Variants in NAMPT observed in about 807,000 individuals in gnomAD.
NAMPT encodes NAmPRTase.
NAMPT carries 7 observed loss-of-function variants against 58.7 expected under a neutral mutation model. The ratio of observed to expected loss-of-function variants is 0.12; its 90% confidence interval spans 0.07 to 0.22. NAMPT has a LOEUF of 0.22. Ranked by LOEUF, NAMPT falls within the 10% of genes least tolerant of loss-of-function variation. NAMPT has a pLI of 1.00. For synonymous variants in NAMPT, 145 were observed against 198.1 expected (o/e 0.73, Z 2.25); for missense variants, 271 against 567.9 (o/e 0.48, Z 5.31).
rs905583327 is a variant in NAMPT at position 106,249,858 on chromosome 7, C to G, written c.*1225G>C. Reference sequence around the variant, plus strand: ...CTCTAGTCAGATGTGATGTATGATTCAGAATCTAGTAGCTAATCACTCTAG... The same window carrying G: ...CTCTAGTCAGATGTGATGTATGATTGAGAATCTAGTAGCTAATCACTCTAG... On this transcript the variant is annotated 3_prime_UTR_variant, in exon 11 of 11. Transcript: ENST00000222553. The G allele has an allele frequency of 2.0e-5, 3 of 151,976 alleles. No individual in the cohort carries two copies. The highest frequency in any genetic ancestry group is 4.1e-4 in the South Asian group (2 of 4,828). 9.4% of individuals were successfully genotyped at this position (151,976 alleles called of 1,614,324 possible). A position where few individuals can be genotyped will look rare whatever the true frequency, so the allele number is the denominator to read the frequency against.
intron 8 of NAMPT, among the ~76,000 whole-genome samples, chr7:106,255,386 T>C (rs1417480876): frequency 6.6e-6 from 1 of 152,256 alleles, no homozygotes; most frequent in Non-Finnish European, 1.5e-5. Context: ...AGGCTGACTC[T>C]GTTTTAAACA....
At chr7:106,260,591 C>T (rs1792285449) in intron 8 of NAMPT, among the ~76,000 whole-genome samples, 1 of 152,222 alleles carries the variant, frequency 6.6e-6, no homozygotes, top group African/African-American at 2.4e-5. Flanking sequence ...ACTTGGCCTA[C>T]TGTTTGCCTT....
chr7:106,277,507 G>T (rs959326127), intron 1 of NAMPT, among the ~76,000 whole-genome samples: 7 of 152,140 alleles, frequency 4.6e-5, no homozygotes, highest in African/African-American at 1.7e-4. Context: ...TGCCTAATGG[G>T]CACACACAAC....
chr7:106,268,519 A>T lies in NAMPT; in HGVS notation c.688T>A (p.Tyr230Asn). 1 of 1,613,760 alleles carries T rather than the reference A, an allele frequency of 6.2e-7. No individual in the cohort carries two copies. The highest frequency in any genetic ancestry group is 8.5e-7 in the Non-Finnish European group (1 of 1,179,720). The change falls in exon 6 of 11, where the codon TAT becomes AAT. Residue 230 changes from tyrosine to asparagine, a missense_variant. Physicochemically the swap from Tyr to Asn is moderately radical, Grantham distance 143. Coordinates refer to ENST00000222553, the MANE Select transcript of NAMPT (RefSeq NM_005746.3). Reference sequence around the variant, plus strand: ...GGAACAGGATCTTTCGTTCCATAATATTTTTTAATTAGAGCAAGTCCTGCT... The same window carrying T: ...GGAACAGGATCTTTCGTTCCATAATTTTTTTTAATTAGAGCAAGTCCTGCT... ...TVAGLALIKK[Y>N]YGTKDPVPGY... is the part of the protein sequence containing the mutation.
chr7:106,284,616 C>G (rs1792831463), intron 1 of NAMPT: 1 of 379,192 alleles, frequency 2.6e-6, no homozygotes. Flanking sequence ...ACCGCCCAGC[C>G]CTCCATCCTC....
chr7:106,256,436 AT>A (rs1198570850), intron 8 of NAMPT, among the ~76,000 whole-genome samples: 3 of 152,212 alleles, frequency 2.0e-5, no homozygotes, highest in Admixed American at 2.0e-4. Flanking sequence ...CAGATTTTTC[AT>A]TTTATCAAAA....
At chr7:106,278,025 A>G (rs556088033) in intron 1 of NAMPT, among the ~76,000 whole-genome samples, 1 of 152,364 alleles carries the variant, frequency 6.6e-6, no homozygotes, top group Admixed American at 6.5e-5. Flanking sequence ...AAGAGTAGGA[A>G]TAACAGTGCC....
chr7:106,261,680 G>A lies in NAMPT; in HGVS notation c.997C>T (p.Pro333Ser), dbSNP rs770111122. 4 of 1,604,110 alleles carry A rather than the reference G, an allele frequency of 2.5e-6. No individual in the cohort carries two copies. In the African/African-American group the frequency reaches 4.0e-5, roughly 16 times the overall value. ...KVLEILGKKF[P>S]VTENSKGYKL... Reference sequence around the variant, plus strand: ...TAACCCTTTGAGTTCTCAGTAACAGGAAACTTCTTACCTAAAATCTCCAAA... The same window carrying A: ...TAACCCTTTGAGTTCTCAGTAACAGAAAACTTCTTACCTAAAATCTCCAAA... Residue 333 changes from proline (P) to serine (S), a missense_variant, in exon 8 of 11, where the codon CCT becomes TCT. By Grantham distance (74) the Pro-to-Ser change is moderately conservative. Coordinates refer to ENST00000222553, the MANE Select transcript of NAMPT (RefSeq NM_005746.3).
At chr7:106,284,992 G>C, upstream of NAMPT, 1 of 1,472,708 alleles carries the variant, frequency 6.8e-7, no homozygotes, top group South Asian at 1.3e-5. Context: ...CTGCTCGGTC[G>C]GCGGAGGAGG....
Position 106,272,650 on chromosome 7 carries a change from A to G in NAMPT, c.327T>C (p.Asp109=), listed in dbSNP as rs1792558726. ...CTTTTATTTCTATTGGAAGATGCCC[A>G]TCATACTTCTGGCAGGATAAAATGA... The part of the protein sequence containing the change: ...KGWNYILEKY[D]GHLPIEIKAV... Residue 109 remains aspartate, a synonymous_variant, in exon 4 of 11, where the codon GAT becomes GAC. Transcript: ENST00000222553. 2 of 1,613,030 alleles carry G rather than the reference A, an allele frequency of 1.2e-6. No individual in the cohort carries two copies. Among genetic ancestry groups the G allele is most frequent in the African/African-American group, 2.7e-5 (2 of 74,896 alleles).
chr7:106,258,564 A>G (rs149213013), intron 8 of NAMPT, among the ~76,000 whole-genome samples: 14 of 152,334 alleles, frequency 9.2e-5, no homozygotes, highest in African/African-American at 3.4e-4. Context: ...ATTTTAAGAC[A>G]ATACAGGCAT....
chr7:106,248,769 G>A lies in NAMPT; in HGVS notation c.*2314C>T, dbSNP rs190119949. ...GTCTGGAAGATTTAGACTGATTTAA[G>A]GGTGACACACAGCAGAGTTCTAGTG... On this transcript the variant is annotated 3_prime_UTR_variant, in exon 11 of 11. Transcript: ENST00000222553. The A allele has an allele frequency of 6.6e-6, 1 of 152,156 alleles. No individual in the cohort carries two copies. Among genetic ancestry groups the A allele is most frequent in the African/African-American group, 2.4e-5 (1 of 41,526 alleles). The allele number at this position is 152,156 out of a possible 1,614,324, so 9.4% of individuals were successfully genotyped here.
intron 6 of NAMPT, among the ~76,000 whole-genome samples, chr7:106,265,797 T>C (rs937609718): frequency 2.0e-5 from 3 of 152,180 alleles, no homozygotes; most frequent in Admixed American, 2.0e-4. Context: ...CAATGAATTC[T>C]ACCAATGCCA....
chr7:106,259,244 A>G (rs1393189423), intron 8 of NAMPT, among the ~76,000 whole-genome samples: 2 of 152,152 alleles, frequency 1.3e-5, no homozygotes, highest in Non-Finnish European at 2.9e-5. Flanking sequence ...TATTTCTACC[A>G]CATTTGTAGT....
intron 2 of NAMPT, chr7:106,276,229 G>A (rs911340294): frequency 1.3e-5 from 2 of 152,106 alleles, no homozygotes; most frequent in African/African-American, 4.8e-5. Context: ...TAATTCAAAA[G>A]GTTAGAGATA....
At chr7:106,276,595 C>T (rs974352390) in intron 2 of NAMPT, 3 of 161,796 alleles carry the variant, frequency 1.9e-5, no homozygotes, top group African/African-American at 7.2e-5. Flanking sequence ...GTAATCACAG[C>T]ACTTTGGTGG....
upstream of NAMPT, chr7:106,285,530 C>CA: frequency 2.0e-6 from 2 of 986,242 alleles, no homozygotes; most frequent in Non-Finnish European, 2.4e-6. Context: ...CCACCACGCG[C>CA]AGTTACTCAC....
Position 106,254,344 on chromosome 7 carries a change from G to C in NAMPT, c.1230+20C>G. 6.2e-7 allele frequency: 1 copy of C among 1,612,562 alleles called. No homozygotes were observed. Among genetic ancestry groups the C allele is most frequent in the African/African-American group, 1.3e-5 (1 of 74,978 alleles). On this transcript the variant is annotated intron_variant, in intron 9 of 10. Coordinates refer to ENST00000222553, the MANE Select transcript of NAMPT (RefSeq NM_005746.3). Reference sequence around the variant, plus strand: ...ACATAAGGAAGGTAGTAACACAGAAGTAATTAAAAGGTGACATACCCCAAG... The same window carrying C: ...ACATAAGGAAGGTAGTAACACAGAACTAATTAAAAGGTGACATACCCCAAG...
chr7:106,272,626 T>G lies in NAMPT; in HGVS notation c.351A>C (p.Lys117Asn). The change falls in exon 4 of 11, where the codon AAA becomes AAC. Residue 117 changes from lysine (K) to asparagine (N), a missense_variant. Transcript: ENST00000222553. ...GAATGACAAAGCCCTCAGGAACAGC[T>G]TTTATTTCTATTGGAAGATGCCCAT... is the stretch of plus-strand genomic sequence containing the variant. ...KYDGHLPIEI[K>N]AVPEGFVIPR... 6.2e-7 allele frequency: 1 copy of G among 1,613,416 alleles called. No homozygotes were observed. Among genetic ancestry groups the G allele is most frequent in the Non-Finnish European group, 8.5e-7 (1 of 1,179,522 alleles).
Sources: gnomAD v4.1 joint callset for allele counts (sites outside exome capture counted in the v4.1 genomes callset) on GRCh38, gnomAD v4.1.1 for gene constraint, MANE v1.5 for transcripts, NCBI Gene and HGNC (gene_info 2026-07-23, HGNC 2026-07-21) for gene names.